PDCL2: variants seen among roughly 807,000 people sequenced by gnomAD.
The protein encoded by PDCL2 is phosducin like 2, also known as phosducin-like protein 2.
PDCL2 carries 23 observed loss-of-function variants against 30.3 expected under a neutral mutation model. The observed-to-expected ratio is 0.76, with a 90% CI of 0.55 to 1.08. The LOEUF is 1.08. Ranked by LOEUF, PDCL2 falls within the 50% of genes least tolerant of loss-of-function variation. The pLI is 0.00. For missense variants in PDCL2, 243 were observed against 282.3 expected, an observed-to-expected ratio of 0.86 and a Z score of 1.00; for synonymous variants, 68 against 86.2, an observed-to-expected ratio of 0.79 and a Z score of 1.17.
intron 3 of PDCL2, among the ~76,000 whole-genome samples, chr4:55,575,704 T>G (rs1049588890): frequency 1.3e-5 from 2 of 152,162 alleles, no homozygotes; most frequent in Admixed American, 1.3e-4. Context: ...CAAGGGATCT[T>G]CAATAAGACT....
At position 55,562,539 on chromosome 4, in the gene PDCL2, T is replaced by C; in HGVS notation, c.436A>G (p.Lys146Glu). The stretch of plus-strand genomic sequence containing the variant: ...TGAATACAGCTATTCACGATGGCTT[T>C]AACAAATTTAGTTTCTGGAAACTTT... Reference protein sequence around the residue: ...ARKFPETKFVKAIVNSCIQHY... With the variant: ...ARKFPETKFVEAIVNSCIQHY... Residue 146 changes from lysine (K) to glutamate (E), a missense_variant, in exon 5 of 6, where the codon AAA becomes GAA. Lys to Glu is a moderately conservative substitution (Grantham distance 56). Transcript: ENST00000295645. 2 of 1,606,032 alleles carry C rather than the reference T, an allele frequency of 1.2e-6. No homozygotes were observed. The highest frequency in any genetic ancestry group is 1.7e-6 in the Non-Finnish European group (2 of 1,176,296).
At chr4:55,569,899 G>T in intron 3 of PDCL2, 38 bp from the exon 4 acceptor site, 1 of 1,362,506 alleles carries the variant, frequency 7.3e-7, no homozygotes, top group Non-Finnish European at 9.9e-7. Flanking sequence ...TAAGAATACT[G>T]TCATATTCTT....
intron 1 of PDCL2, among the ~76,000 whole-genome samples, chr4:55,584,686 G>C (rs1732815530): frequency 6.6e-6 from 1 of 152,158 alleles, no homozygotes; most frequent in African/African-American, 2.4e-5. Flanking sequence ...TCAGCAAACA[G>C]CAACAATTTC....
chr4:55,590,765 G>C (rs1732979649), intron 1 of PDCL2, among the ~76,000 whole-genome samples: 1 of 152,070 alleles, frequency 6.6e-6, no homozygotes, highest in Non-Finnish European at 1.5e-5. Flanking sequence ...AAAGTGCTGG[G>C]GTTACAGGCA....
chr4:55,577,830 T>C (rs1732609400), intron 3 of PDCL2, among the ~76,000 whole-genome samples: 1 of 152,218 alleles, frequency 6.6e-6, no homozygotes, highest in Non-Finnish European at 1.5e-5. Context: ...CTGGGCTTCC[T>C]CAAGTACATT....
chr4:55,566,802 A>T (rs1326593879), intron 4 of PDCL2, among the ~76,000 whole-genome samples: 3 of 4,532 alleles, frequency 6.6e-4, no homozygotes. Flanking sequence ...AAACCTTCTG[A>T]GAAGGTTTAC....
At chr4:55,591,239 A>C (rs1732990416) in intron 1 of PDCL2, among the ~76,000 whole-genome samples, 1 of 151,950 alleles carries the variant, frequency 6.6e-6, no homozygotes. Context: ...AATCTGCAGG[A>C]GCAGGTGGGG....
chr4:55,591,172 A>G (rs1289388679), intron 1 of PDCL2, among the ~76,000 whole-genome samples: 2 of 152,212 alleles, frequency 1.3e-5, no homozygotes, highest in Admixed American at 6.5e-5. Flanking sequence ...TAAATTATAC[A>G]GTACATACAA....
intron 3 of PDCL2, among the ~76,000 whole-genome samples, chr4:55,580,620 A>G (rs1373499323): frequency 1.3e-5 from 2 of 152,162 alleles, no homozygotes; most frequent in East Asian, 1.9e-4. Flanking sequence ...ATAATTTTCT[A>G]TTAAATCAAA....
intron 3 of PDCL2, among the ~76,000 whole-genome samples, chr4:55,571,595 G>A (rs1185812053): frequency 1.7e-5 from 1 of 58,180 alleles, no homozygotes; most frequent in African/African-American, 9.5e-5. Context: ...GCTGAGGCAG[G>A]AGAATCACTT....
chr4:55,586,012 C>T (rs1442424805), intron 1 of PDCL2, among the ~76,000 whole-genome samples: 4 of 151,972 alleles, frequency 2.6e-5, no homozygotes, highest in African/African-American at 4.8e-5. Context: ...TTTTTCTAGT[C>T]TTTATTTCAT....
chr4:55,559,518 A>G (rs1479996108), intron 5 of PDCL2, among the ~76,000 whole-genome samples: 6 of 152,250 alleles, frequency 3.9e-5, no homozygotes, highest in Non-Finnish European at 8.8e-5. Context: ...CCTTTATTAA[A>G]TACTTTCAAT....
intron 4 of PDCL2, among the ~76,000 whole-genome samples, chr4:55,567,587 A>C (rs906666747): frequency 2.0e-5 from 3 of 152,190 alleles, no homozygotes; most frequent in Admixed American, 6.5e-5. Context: ...CTATGTATTC[A>C]TCTCTTGAAA....
intron 1 of PDCL2, among the ~76,000 whole-genome samples, chr4:55,583,677 C>G (rs773044961): frequency 3.3e-5 from 5 of 152,126 alleles, no homozygotes; most frequent in South Asian, 2.1e-4. Context: ...AGAGACTGTC[C>G]TTTTCCCCAT....
chr4:55,580,614 T>C (rs1288685890), intron 3 of PDCL2, among the ~76,000 whole-genome samples: 2 of 152,166 alleles, frequency 1.3e-5, no homozygotes, highest in Non-Finnish European at 2.9e-5. Flanking sequence ...GATTGGATAA[T>C]TTTCTATTAA....
intron 2 of PDCL2, 60 bp from the exon 3 acceptor site, chr4:55,580,971 A>G: frequency 8.0e-7 from 1 of 1,244,042 alleles, no homozygotes; most frequent in Non-Finnish European, 1.1e-6. Context: ...CTATACAGTC[A>G]ATGTCTAGAA....
At chr4:55,571,686 C>CAAAAAAAAAAAAAAAAAAAA (rs761336707) in intron 3 of PDCL2, among the ~76,000 whole-genome samples, 3 of 36,890 alleles carry the variant, frequency 8.1e-5, no homozygotes, top group African/African-American at 4.7e-4. Flanking sequence ...GACTCCATCT[C>CAAAAAAAAAAAAAAAAAAAA]AAAAAAAAAA....
At chr4:55,570,823 A>G (rs1373634928) in intron 3 of PDCL2, among the ~76,000 whole-genome samples, 1 of 152,224 alleles carries the variant, frequency 6.6e-6, no homozygotes, top group East Asian at 1.9e-4. Flanking sequence ...TTAACATTTA[A>G]TGATTCTATA....
In PDCL2 at chr4:55,562,469, T is replaced by A; in HGVS notation, c.506A>T (p.Asn169Ile). The A allele has an allele frequency of 6.4e-7, 1 of 1,550,488 alleles. No homozygotes were observed. Among genetic ancestry groups the A allele is most frequent in the Non-Finnish European group, 8.7e-7 (1 of 1,149,196 alleles). Residue 169 changes from asparagine (N) to isoleucine (I), a missense_variant, in exon 5 of 6, where the codon AAT becomes ATT. Physicochemically the swap from Asn to Ile is moderately radical, Grantham distance 149. Coordinates refer to ENST00000295645, the MANE Select transcript of PDCL2 (RefSeq NM_152401.3). ...NCLPTIFVYK[N>I]GQIEAKFIGI... is the part of the protein sequence containing the mutation. ...AATGAATTTGGCTTCTATCTGACCA[T>A]TTTTATACACAAAAATTGTTGGTAA...
Sources: gnomAD v4.1 joint callset for allele counts (sites outside exome capture counted in the v4.1 genomes callset) on GRCh38, gnomAD v4.1.1 for gene constraint, MANE v1.5 for transcripts, NCBI Gene and HGNC (gene_info 2026-07-23, HGNC 2026-07-21) for gene names.